The following NOL4 variants were observed in gnomAD, a reference collection of about 807,000 sequenced individuals.
The protein encoded by NOL4 is cancer/testis antigen 125.
NOL4 carries 17 observed loss-of-function variants against 75.9 expected under a neutral mutation model. The ratio of observed to expected loss-of-function variants is 0.22; its 90% CI spans 0.15 to 0.34. The LOEUF (loss-of-function observed/expected upper bound fraction) is 0.34, where lower values mean the gene tolerates loss of function less well. Ranked by LOEUF, NOL4 falls within the 10% of genes least tolerant of loss-of-function variation. The pLI, the probability that NOL4 is intolerant of heterozygous loss-of-function variation, is 1.00. For synonymous variants in NOL4, 292 were observed against 289.9 expected (o/e 1.01, Z -0.07); for missense variants, 614 against 793.5 (o/e 0.77, Z 2.72).
chr18:34,208,181 C>T (rs2036255186), intron 1 of NOL4, among the ~76,000 whole-genome samples: 1 of 152,166 alleles, frequency 6.6e-6, no homozygotes, highest in Non-Finnish European at 1.5e-5. Context: ...AGTTGACATC[C>T]ATCCTCATTT....
intron 9 of NOL4, among the ~76,000 whole-genome samples, chr18:33,920,865 C>G (rs1158876329): frequency 6.6e-6 from 1 of 152,192 alleles, no homozygotes; most frequent in Non-Finnish European, 1.5e-5. Context: ...AAGGGCAAAG[C>G]AATGAGCCCA....
intron 1 of NOL4, among the ~76,000 whole-genome samples, chr18:34,160,551 G>A (rs190305045): frequency 1.3e-5 from 2 of 152,216 alleles, no homozygotes; most frequent in East Asian, 3.9e-4. Context: ...TAGAGAAAAT[G>A]CATAAGGAAA....
At chr18:34,185,828 T>G (rs1458386513) in intron 1 of NOL4, among the ~76,000 whole-genome samples, 1 of 152,164 alleles carries the variant, frequency 6.6e-6, no homozygotes, top group Non-Finnish European at 1.5e-5. Flanking sequence ...ACCAAAGAGA[T>G]AAGAATAATT....
chr18:33,946,333 G>T (rs1449429506), intron 8 of NOL4, among the ~76,000 whole-genome samples: 1 of 151,540 alleles, frequency 6.6e-6, no homozygotes, highest in Non-Finnish European at 1.5e-5. Flanking sequence ...GGACATTCAG[G>T]TATTAATACC....
intron 2 of NOL4, among the ~76,000 whole-genome samples, chr18:34,118,863 G>T (rs1171854304): frequency 2.0e-5 from 3 of 152,094 alleles, no homozygotes; most frequent in African/African-American, 7.2e-5. Flanking sequence ...TAATTAATTT[G>T]CAGAGATGTG....
At chr18:33,961,160 C>A (rs1199418018) in intron 6 of NOL4, among the ~76,000 whole-genome samples, 1 of 151,848 alleles carries the variant, frequency 6.6e-6, no homozygotes, top group Non-Finnish European at 1.5e-5. Context: ...ATATATCTGA[C>A]AGTTAGTTTT....
At chr18:34,022,749 T>C (rs1281507912) in intron 5 of NOL4, among the ~76,000 whole-genome samples, 2 of 152,030 alleles carry the variant, frequency 1.3e-5, no homozygotes, top group African/African-American at 2.4e-5. Flanking sequence ...TAACCCTAAG[T>C]ATATATTATA....
At chr18:34,188,912 T>C (rs1159292493) in intron 1 of NOL4, among the ~76,000 whole-genome samples, 1 of 152,142 alleles carries the variant, frequency 6.6e-6, no homozygotes, top group African/African-American at 2.4e-5. Context: ...TATACTAATA[T>C]TGGTACTTTT....
At chr18:34,031,183 A>C (rs1308021293) in intron 5 of NOL4, among the ~76,000 whole-genome samples, 2 of 152,178 alleles carry the variant, frequency 1.3e-5, no homozygotes, top group African/African-American at 4.8e-5. Context: ...CCAGGACTCA[A>C]GCTCTGAGAG....
intron 10 of NOL4, among the ~76,000 whole-genome samples, chr18:33,860,382 C>A (rs1053927483): frequency 6.6e-6 from 1 of 152,122 alleles, no homozygotes; most frequent in African/African-American, 2.4e-5. Flanking sequence ...AGCATTAACC[C>A]AAAAGTCCAA....
chr18:34,202,658 G>GA (rs1378968754), intron 1 of NOL4, among the ~76,000 whole-genome samples: 2 of 151,938 alleles, frequency 1.3e-5, no homozygotes, highest in African/African-American at 4.8e-5. Context: ...TGAAAATTGA[G>GA]AAAATATTAA....
At chr18:33,983,767 T>A (rs1419950770) in intron 6 of NOL4, among the ~76,000 whole-genome samples, 1 of 152,008 alleles carries the variant, frequency 6.6e-6, no homozygotes, top group African/African-American at 2.4e-5. Flanking sequence ...CCTCACTTTT[T>A]AAAAATATTC....
Position 33,883,288 on chromosome 18 carries a change from C to T in NOL4, c.1679G>A (p.Gly560Glu). 1.2e-6 allele frequency: 2 copies of T among 1,612,560 alleles called. No homozygotes were observed. Among genetic ancestry groups the T allele is most frequent in the Non-Finnish European group, 1.7e-6 (2 of 1,179,168 alleles). ...CAGATTTAGCAGACCCCCTCCTAGC[C>T]CTCTGTAACTATGGTAACTATAGGT... ...NGTYSYHSYR[G>E]LGGGLLNLND... The change falls in exon 10 of 11, where the codon GGG becomes GAG. Residue 560 changes from glycine to glutamate, a missense_variant. Gly to Glu is a moderately conservative substitution (Grantham distance 98). Transcript: ENST00000261592.
At chr18:33,956,152 T>C (rs1167261885) in intron 8 of NOL4, among the ~76,000 whole-genome samples, 1 of 152,142 alleles carries the variant, frequency 6.6e-6, no homozygotes, top group African/African-American at 2.4e-5. Context: ...TCAGGACACC[T>C]TCTGGAACAA....
At chr18:34,107,516 T>C (rs1012550956) in intron 2 of NOL4, among the ~76,000 whole-genome samples, 5 of 152,030 alleles carry the variant, frequency 3.3e-5, no homozygotes, top group Non-Finnish European at 7.4e-5. Context: ...ACACCTGCCA[T>C]GGCATTCCAC....
At chr18:34,034,827 A>G (rs1178026672) in intron 5 of NOL4, among the ~76,000 whole-genome samples, 2 of 152,030 alleles carry the variant, frequency 1.3e-5, no homozygotes, top group Admixed American at 6.6e-5. Flanking sequence ...ACTTCAAGTC[A>G]AAAACACTAA....
At chr18:33,862,080 C>G (rs1297546357) in intron 10 of NOL4, among the ~76,000 whole-genome samples, 2 of 151,834 alleles carry the variant, frequency 1.3e-5, no homozygotes, top group Non-Finnish European at 2.9e-5. Context: ...AGATATAGAT[C>G]AATGGAACAG....
intron 5 of NOL4, among the ~76,000 whole-genome samples, chr18:34,030,799 T>A (rs2071796407): frequency 6.6e-6 from 1 of 152,142 alleles, no homozygotes; most frequent in African/African-American, 2.4e-5. Context: ...ACTATATATG[T>A]AAAAACATCA....
chr18:34,219,264 G>A (rs1377239990), intron 1 of NOL4, among the ~76,000 whole-genome samples: 1 of 152,132 alleles, frequency 6.6e-6, no homozygotes, highest in African/African-American at 2.4e-5. Flanking sequence ...ACAAATATAG[G>A]TTAAGAAAAG....
Sources: allele counts gnomAD v4.1 joint callset (sites outside exome capture counted in the v4.1 genomes callset), GRCh38; gene constraint gnomAD v4.1.1; transcripts MANE v1.5; gene names NCBI Gene and HGNC (gene_info 2026-07-23, HGNC 2026-07-21).